RAD50: variants seen among roughly 807,000 people sequenced by gnomAD.
RAD50 encodes the protein RAD50 double strand break repair protein, also known as DNA repair protein RAD50.
RAD50 carries 132 observed loss-of-function variants against 168.8 expected under a neutral mutation model. The ratio of observed to expected loss-of-function variants is 0.78; its 90% confidence interval spans 0.68 to 0.90. The LOEUF is 0.90. Among genes scored for constraint, RAD50 ranks in the 40% least tolerant of loss-of-function variants. The pLI is 0.00. For synonymous variants in RAD50, 525 were observed against 497.4 expected (o/e 1.06, Z -0.74); for missense variants, 1,347 against 1,534.4 (o/e 0.88, Z 2.04).
At chr5:132,589,899 C>G in intron 9 of RAD50, 62 bp downstream of exon 9, 1 of 1,430,040 alleles carries the variant, frequency 7.0e-7, no homozygotes, top group Middle Eastern at 2.4e-4. Flanking sequence ...AGTATTTTGT[C>G]TATTTTTGAT....
chr5:132,633,098 C>CTTTTTTTTTT lies in RAD50; in HGVS notation c.3390-4006_3390-3997dup, dbSNP rs34616055. Among the ~76,000 whole-genome samples the CTTTTTTTTTT allele has an allele frequency of 3.0e-4, 34 of 113,028 alleles. 1 individual carries two copies. Among genetic ancestry groups the CTTTTTTTTTT allele is most frequent in the South Asian group, 6.0e-4 (2 of 3,338 alleles). 74.2% of individuals were successfully genotyped at this position (113,028 alleles called of 152,430 possible). Reference sequence around the variant, plus strand: ...GTCCATCAATTTTCTTTCGTTTTTTCTTTTTTTTTTTTTTTTTTTTGAGAC... The same window carrying CTTTTTTTTTT: ...GTCCATCAATTTTCTTTCGTTTTTTCTTTTTTTTTTTTTTTTTTTTTTTTTTTTTTGAGAC... On this transcript the variant is annotated intron_variant, in intron 21 of 24. Coordinates refer to ENST00000378823, the MANE Select transcript of RAD50 (RefSeq NM_005732.4).
intron 21 of RAD50, among the ~76,000 whole-genome samples, chr5:132,620,734 CA>C (rs1751271124): frequency 1.3e-5 from 2 of 152,292 alleles, no homozygotes; most frequent in East Asian, 3.9e-4. Context: ...TTGATTCCCT[CA>C]GAACTTAACT....
chr5:132,582,400 A>T (rs1174751265), intron 5 of RAD50, among the ~76,000 whole-genome samples: 1 of 146,252 alleles, frequency 6.8e-6, no homozygotes, highest in Non-Finnish European at 1.5e-5. Flanking sequence ...GATGACTTCC[A>T]AAGTCCTTTT....
At chr5:132,597,823 T>A (rs1750817744) in intron 13 of RAD50, among the ~76,000 whole-genome samples, 2 of 152,032 alleles carry the variant, frequency 1.3e-5, no homozygotes, top group South Asian at 4.2e-4. Flanking sequence ...GAAAACCAGA[T>A]TATTGGGGCC....
rs78374925 is a variant in RAD50, at chr5:132,604,168, G to T, written c.2524+122G>T. 1.4e-4 allele frequency: 169 copies of T among 1,239,708 alleles called. No homozygotes were observed. The African/African-American group carries it at 2.1e-3, about 15-fold the overall frequency. The allele number at this position is 1,239,708 out of a possible 1,614,324, so 76.8% of individuals were successfully genotyped here. The stretch of plus-strand genomic sequence containing the variant: ...AGTTCCTTCCTGTCCACATATATTT[G>T]CTCTTTTTTTCTGAAAAGCATCACT... On this transcript the variant is annotated intron_variant, in intron 15 of 24. Transcript: ENST00000378823.
intron 1 of RAD50, 95 bp downstream of exon 1, chr5:132,557,548 C>A: frequency 6.5e-7 from 1 of 1,543,376 alleles, no homozygotes; most frequent in Non-Finnish European, 8.9e-7. Flanking sequence ...GCAGAAGCGT[C>A]CCTAGGGCTC....
chr5:132,603,550 TGTGAGAGTTAAAAATAGTAGCTA>T, intron 14 of RAD50, 61 bp downstream of exon 14: 1 of 1,531,880 alleles, frequency 6.5e-7, no homozygotes, highest in Non-Finnish European at 9.0e-7. Context: ...GAATTTGAAG[TGTGAGAGTTAAAAATAGTAGCTA>T]GTATTCAGGT....
intron 3 of RAD50, among the ~76,000 whole-genome samples, chr5:132,577,330 A>G (rs1750417433): frequency 1.3e-5 from 2 of 152,200 alleles, no homozygotes; most frequent in Non-Finnish European, 2.9e-5. Context: ...CATTTGCCCC[A>G]TCCAAATAAT....
chr5:132,602,787 A>T (rs1237860079), intron 13 of RAD50, among the ~76,000 whole-genome samples: 1 of 152,148 alleles, frequency 6.6e-6, no homozygotes, highest in Non-Finnish European at 1.5e-5. Context: ...TTTCTGTTTC[A>T]GGGTTCCATG....
chr5:132,636,037 C>A (rs116261226), intron 21 of RAD50, among the ~76,000 whole-genome samples: 44 of 152,252 alleles, frequency 2.9e-4, no homozygotes, highest in Admixed American at 2.8e-3. Flanking sequence ...CAGAAGATCA[C>A]GAAATGATTC....
At chr5:132,593,303 A>T (rs183502791) in intron 11 of RAD50, 3 of 157,548 alleles carry the variant, frequency 1.9e-5, no homozygotes, top group Admixed American at 1.8e-4. Flanking sequence ...CTTAAACTAG[A>T]TCCTATTCAG....
In RAD50 at chr5:132,557,088, C is replaced by G. The variant is rs1315917034; in HGVS notation, c.-237C>G. ...GGCAGCCCCAGGCTGGTCCCCGCCT[C>G]CGCTCTCCCCACCGGCGGGGAAAGC... is the stretch of plus-strand genomic sequence containing the variant. On this transcript the variant is annotated 5_prime_UTR_variant, in exon 1 of 25. Transcript: ENST00000378823. 1 of 673,384 alleles carries G rather than the reference C, an allele frequency of 1.5e-6. No individual in the cohort carries two copies. Among genetic ancestry groups the G allele is most frequent in the East Asian group, 2.9e-5 (1 of 33,914 alleles). 41.7% of individuals were successfully genotyped at this position (673,384 alleles called of 1,614,324 possible). A position where few individuals can be genotyped will look rare whatever the true frequency, so the allele number is the denominator to read the frequency against.
rs922181665 is a variant in RAD50, at chr5:132,643,449, C to T, written c.*1085C>T. ...CATTCAGAGTCAGCCAGGACCATAC[C>T]GGGTCTTGATTCAGTCACATGGCAT... On this transcript the variant is annotated 3_prime_UTR_variant, in exon 25 of 25. Coordinates refer to ENST00000378823, the MANE Select transcript of RAD50 (RefSeq NM_005732.4). 7 of 234,238 alleles carry T rather than the reference C, an allele frequency of 3.0e-5. No homozygotes were observed. The highest frequency in any genetic ancestry group is 6.0e-5 in the East Asian group (1 of 16,652). 14.5% of individuals were successfully genotyped at this position (234,238 alleles called of 1,614,324 possible).
Position 132,587,576 on chromosome 5 carries a change from A to G in RAD50, c.771A>G (p.Glu257=), listed in dbSNP as rs786203091. The G allele has an allele frequency of 1.9e-6, 3 of 1,612,972 alleles. No individual in the cohort carries two copies. In the African/African-American group the frequency reaches 4.0e-5, roughly 22 times the overall value. The change falls in exon 6 of 25, where the codon GAA becomes GAG. Residue 257 remains glutamate (E), a synonymous_variant. Transcript: ENST00000378823. ...TTTATTTTCAGAATCGTCTAAAAGA[A>G]ATTGAACATAATCTCTCTAAAATAA... ...ELDPLKNRLK[E]IEHNLSKIMK... is the part of the protein sequence containing the mutation.
At chr5:132,565,793 T>C (rs1249545381) in intron 2 of RAD50, among the ~76,000 whole-genome samples, 2 of 152,208 alleles carry the variant, frequency 1.3e-5, no homozygotes, top group African/African-American at 4.8e-5. Flanking sequence ...TTCCCTGGCG[T>C]GGACACTCTG....
At chr5:132,562,660 C>T (rs1750142094) in intron 2 of RAD50, among the ~76,000 whole-genome samples, 2 of 151,966 alleles carry the variant, frequency 1.3e-5, no homozygotes, top group South Asian at 2.1e-4. Context: ...GTCCAGTTGG[C>T]AAGCAGAAGT....
chr5:132,626,678 T>C (rs1011271480), intron 21 of RAD50, among the ~76,000 whole-genome samples: 2 of 152,210 alleles, frequency 1.3e-5, no homozygotes, highest in Admixed American at 1.3e-4. Flanking sequence ...GGGCTGTGCA[T>C]AGAAGACAAT....
At chr5:132,630,280 G>C (rs1751441407) in intron 21 of RAD50, among the ~76,000 whole-genome samples, 1 of 152,128 alleles carries the variant, frequency 6.6e-6, no homozygotes, top group Admixed American at 6.5e-5. Flanking sequence ...TTGACCTTGT[G>C]ATCCACCTGC....
intron 21 of RAD50, among the ~76,000 whole-genome samples, chr5:132,627,368 A>G (rs1751389053): frequency 6.6e-6 from 1 of 152,216 alleles, no homozygotes; most frequent in South Asian, 2.1e-4. Context: ...TGTTCTAGAT[A>G]CTAAGTATAT....
Sources: gnomAD v4.1 joint callset for allele counts (sites outside exome capture counted in the v4.1 genomes callset) on GRCh38, gnomAD v4.1.1 for gene constraint, MANE v1.5 for transcripts, NCBI Gene and HGNC (gene_info 2026-07-23, HGNC 2026-07-21) for gene names.